The following SRGAP1 variants were observed in gnomAD, a reference collection of about 807,000 sequenced individuals.
SRGAP1 encodes the protein SLIT-ROBO Rho GTPase-activating protein 1.
Under a neutral mutation model 121.9 loss-of-function variants are expected in SRGAP1, and 43 were observed. The ratio of observed to expected loss-of-function variants is 0.35; its 90% confidence interval spans 0.28 to 0.46. SRGAP1 has a LOEUF of 0.46. Among genes scored for constraint, SRGAP1 ranks in the 20% least tolerant of loss-of-function variants. The pLI, the probability that SRGAP1 is intolerant of heterozygous loss-of-function variation, is 1.00. For synonymous variants in SRGAP1, 447 were observed against 485.4 expected, an observed-to-expected ratio of 0.92 and a Z score of 1.04; for missense variants, 1,102 against 1,350.9, an observed-to-expected ratio of 0.82 and a Z score of 2.89.
chr12:63,887,818 C>T (rs1900442424), intron 1 of SRGAP1: 1 of 152,266 alleles, frequency 6.6e-6, no homozygotes, highest in South Asian at 2.1e-4. Flanking sequence ...GTCTTCAGCT[C>T]TTCATCCTCA....
At chr12:63,900,650 T>C (rs1202466463) in intron 1 of SRGAP1, among the ~76,000 whole-genome samples, 1 of 151,514 alleles carries the variant, frequency 6.6e-6, no homozygotes, top group Non-Finnish European at 1.5e-5. Context: ...CTGTCTCTAC[T>C]AAAAACACAA....
chr12:63,907,139 A>G (rs1460408398), intron 1 of SRGAP1, among the ~76,000 whole-genome samples: 1 of 152,044 alleles, frequency 6.6e-6, no homozygotes, highest in Non-Finnish European at 1.5e-5. Context: ...TGTGGTTTTG[A>G]TTTGCACTTC....
chr12:63,867,050 C>T (rs898440335), intron 1 of SRGAP1, among the ~76,000 whole-genome samples: 6 of 151,968 alleles, frequency 3.9e-5, no homozygotes, highest in Non-Finnish European at 7.4e-5. Flanking sequence ...TTTATTTCGC[C>T]GTGTTGCCCA....
At chr12:64,003,476 C>CAGAAAAA (rs2033974603) in intron 3 of SRGAP1, among the ~76,000 whole-genome samples, 1 of 50,914 alleles carries the variant, frequency 2.0e-5, no homozygotes, top group Non-Finnish European at 3.5e-5. Context: ...CAGGAAGTTT[C>CAGAAAAA]AGAAAAAAAA....
chr12:64,120,107 G>A (rs1236139568), intron 18 of SRGAP1, among the ~76,000 whole-genome samples: 3 of 152,096 alleles, frequency 2.0e-5, no homozygotes, highest in Non-Finnish European at 4.4e-5. Context: ...TGTATTTGAT[G>A]TGCTTTTATA....
intron 3 of SRGAP1, among the ~76,000 whole-genome samples, chr12:64,010,631 A>T (rs552080054): frequency 6.6e-6 from 1 of 152,196 alleles, no homozygotes; most frequent in African/African-American, 2.4e-5. Flanking sequence ...GAATGCAAGG[A>T]CAATTGTTAG....
chr12:63,902,007 CA>C (rs1225425362), intron 1 of SRGAP1, among the ~76,000 whole-genome samples: 1 of 152,142 alleles, frequency 6.6e-6, no homozygotes, highest in Non-Finnish European at 1.5e-5. Flanking sequence ...CTTGCAAAAT[CA>C]AGACATGTTT....
chr12:63,866,700 G>A (rs965025876), intron 1 of SRGAP1, among the ~76,000 whole-genome samples: 1 of 148,814 alleles, frequency 6.7e-6, no homozygotes, highest in South Asian at 2.1e-4. Flanking sequence ...AAATGGGATC[G>A]TTTGTAGAAT....
In SRGAP1 at chr12:63,973,646, T is replaced by C. The variant is rs556561194; in HGVS notation, c.68-10301T>C. On this transcript the variant is annotated intron_variant, in intron 1 of 21. Transcript: ENST00000355086. ...ACTTTTCTAGTAGACATTTTAAAAT[T>C]GGAATTATTGCAATAAGACAAATAG... Among the ~76,000 whole-genome samples the C allele has an allele frequency of 3.3e-5, 5 of 152,346 alleles. No individual in the cohort carries two copies. The East Asian group carries it at 9.6e-4, about 29-fold the overall frequency.
At chr12:63,982,410 T>A (rs796108428) in intron 1 of SRGAP1, 8 of 152,306 alleles carry the variant, frequency 5.3e-5, no homozygotes, top group African/African-American at 1.9e-4. Flanking sequence ...TAAAACCTAC[T>A]TCATTAGGGC....
intron 4 of SRGAP1, among the ~76,000 whole-genome samples, chr12:64,039,194 A>G (rs2034958596): frequency 2.0e-5 from 3 of 152,236 alleles, no homozygotes; most frequent in Admixed American, 2.0e-4. Flanking sequence ...GAATAGTGGA[A>G]ACCCTAAGAC....
chr12:63,943,445 A>C (rs556834552), intron 1 of SRGAP1, among the ~76,000 whole-genome samples: 38 of 152,350 alleles, frequency 2.5e-4, no homozygotes, highest in South Asian at 4.1e-4. Context: ...TAATTCCTAT[A>C]AACCTTACTG....
chr12:64,096,737 A>ACATCTGAAGGTATTTC (rs2036161812), intron 14 of SRGAP1, among the ~76,000 whole-genome samples: 1 of 152,136 alleles, frequency 6.6e-6, no homozygotes, highest in Admixed American at 6.5e-5. Flanking sequence ...TGTGAACACC[A>ACATCTGAAGGTATTTC]CCATGCCACT....
At chr12:63,927,209 T>C (rs1457770534) in intron 1 of SRGAP1, among the ~76,000 whole-genome samples, 1 of 152,210 alleles carries the variant, frequency 6.6e-6, no homozygotes, top group Non-Finnish European at 1.5e-5. Flanking sequence ...AAGACTTTGG[T>C]TGGTCATCCA....
intron 10 of SRGAP1, among the ~76,000 whole-genome samples, chr12:64,082,368 T>G (rs1479692879): frequency 6.6e-6 from 1 of 152,210 alleles, no homozygotes; most frequent in Non-Finnish European, 1.5e-5. Context: ...AGCCAATTTA[T>G]TGAGTCCACA....
Position 63,868,735 on chromosome 12 carries a change from C to G in SRGAP1, c.67+23852C>G, listed in dbSNP as rs182417647. Among the ~76,000 whole-genome samples, 291 of 152,228 alleles carry G rather than the reference C, an allele frequency of 1.9e-3. 1 individual carries two copies. The highest frequency in any genetic ancestry group is 0.01 in the Middle Eastern group (3 of 294). On this transcript the variant is annotated intron_variant, in intron 1 of 21. Coordinates refer to ENST00000355086, the MANE Select transcript of SRGAP1 (RefSeq NM_020762.4). Reference sequence around the variant, plus strand: ...GAGAGATAATATTTTTATAAGGAGACCACTCTCATCATAAGATCTGCAAGT... The same window carrying G: ...GAGAGATAATATTTTTATAAGGAGAGCACTCTCATCATAAGATCTGCAAGT...
intron 1 of SRGAP1, among the ~76,000 whole-genome samples, chr12:63,853,022 ATTT>A: frequency 7.0e-6 from 1 of 143,840 alleles, no homozygotes; most frequent in South Asian, 2.2e-4. Context: ...TTACCGCAAA[ATTT>A]TTTTTTTTTT....
rs1312475970 is a variant in SRGAP1, at chr12:64,119,708, A to C, written c.2224+3815A>C. 4.7e-5 allele frequency among the ~76,000 whole-genome samples: 7 copies of C among 149,596 alleles called. No individual in the cohort carries two copies. The East Asian group carries it at 1.4e-3, about 29-fold the overall frequency. On this transcript the variant is annotated intron_variant, in intron 18 of 21. Transcript: ENST00000355086. ...CACAAATTCTTTTTTTTATTTCTTC[A>C]GCTGTAACTAATCTGCTTTAAGCAG...
At chr12:63,909,488 TG>T (rs1313778751) in intron 1 of SRGAP1, among the ~76,000 whole-genome samples, 1 of 152,232 alleles carries the variant, frequency 6.6e-6, no homozygotes, top group Non-Finnish European at 1.5e-5. Context: ...TTCCTTTCCC[TG>T]TAACAGATTC....
Sources: allele counts gnomAD v4.1 joint callset (sites outside exome capture counted in the v4.1 genomes callset), GRCh38; gene constraint gnomAD v4.1.1; transcripts MANE v1.5; gene names NCBI Gene and HGNC (gene_info 2026-07-23, HGNC 2026-07-21).